Variants in C2 observed in about 807,000 individuals in gnomAD.
The protein encoded by C2 is complement C2.
In C2, 64 loss-of-function variants were observed where a neutral mutation model predicts 85.2. The observed-to-expected ratio is 0.75, with a 90% confidence interval of 0.61 to 0.92. C2 has a LOEUF of 0.92. C2 is among the 40% of genes least tolerant of loss of function. C2 has a pLI of 0.00. For synonymous variants in C2, 311 were observed against 370.8 expected (o/e 0.84, Z 1.85); for missense variants, 820 against 971.6 (o/e 0.84, Z 2.07).
At chr6:31,940,608 GC>G (rs1770804360) in intron 9 of C2, among the ~76,000 whole-genome samples, 1 of 151,988 alleles carries the variant, frequency 6.6e-6, no homozygotes, top group African/African-American at 2.4e-5. Context: ...CATTCACACT[GC>G]CCCCTCCCCC....
intron 3 of C2, among the ~76,000 whole-genome samples, chr6:31,929,576 G>A (rs1769555479): frequency 6.6e-6 from 1 of 151,874 alleles, no homozygotes; most frequent in Non-Finnish European, 1.5e-5. Flanking sequence ...AAAATTAGCC[G>A]GGTGCGGTGG....
upstream of C2, chr6:31,927,544 G>A: frequency 1.3e-6 from 2 of 1,483,516 alleles, no homozygotes; most frequent in South Asian, 2.8e-5. This position sits in a 1 kb window ranked among gnomAD's most constrained non-coding sequence, Gnocchi z 4.7. Context: ...TTAGCATCAG[G>A]GAGACAGGGC....
rs1490649729 is a variant in C2, at chr6:31,942,947, C to T, written c.1220-12C>T. Reference sequence around the variant, plus strand: ...GCCACAGGAGTCTGGTGATTTCCCTCTTCCCCACCAGACATCTATGCCATC... The same window carrying T: ...GCCACAGGAGTCTGGTGATTTCCCTTTTCCCCACCAGACATCTATGCCATC... On this transcript the variant is annotated splice_polypyrimidine_tract_variant and intron_variant, in intron 9 of 17. Transcript: ENST00000299367. 1.9e-6 allele frequency: 3 copies of T among 1,612,970 alleles called. No individual in the cohort carries two copies. Among genetic ancestry groups the T allele is most frequent in the South Asian group, 2.2e-5 (2 of 91,078 alleles).
chr6:31,903,899 C>T (rs1321430134), intron 1 of C2, among the ~76,000 whole-genome samples: 1 of 151,932 alleles, frequency 6.6e-6, no homozygotes, highest in Non-Finnish European at 1.5e-5. Flanking sequence ...AAACTGCTCT[C>T]TTTGTATTTA....
chr6:31,907,140 T>TAAA (rs3037250), intron 1 of C2, among the ~76,000 whole-genome samples: 2 of 139,716 alleles, frequency 1.4e-5, no homozygotes, highest in Admixed American at 7.2e-5. Context: ...AACTCTGTCT[T>TAAA]AAAAAAAAAA....
chr6:31,944,053 G>A lies in C2; in HGVS notation c.1810+60G>A, dbSNP rs935339115. On this transcript the variant is annotated intron_variant, in intron 14 of 17. Transcript: ENST00000299367. The surrounding 1 kb of genome is among the most constrained non-coding windows in gnomAD (Gnocchi z 5.1). ...GGCCGGGGTTTGGGGGTGATAACAA[G>A]GACTAGGCTGCAGTCCCCAAGCCAG... 1.9e-6 allele frequency: 3 copies of A among 1,594,430 alleles called. No homozygotes were observed. Among genetic ancestry groups the A allele is most frequent in the East Asian group, 2.2e-5 (1 of 44,802 alleles).
intron 3 of C2, among the ~76,000 whole-genome samples, chr6:31,930,210 A>G (rs1318164356): frequency 6.6e-6 from 1 of 150,880 alleles, no homozygotes; most frequent in Non-Finnish European, 1.5e-5. Context: ...GCCTCCCAAG[A>G]AGCTGGGATT....
intron 9 of C2, chr6:31,941,557 A>G (rs1770878395): frequency 6.6e-6 from 1 of 152,254 alleles, no homozygotes; most frequent in Admixed American, 6.5e-5. Flanking sequence ...GCTGCAGTGC[A>G]GTGGCGGGAT....
At chr6:31,905,765 G>C (rs992645098) in intron 1 of C2, among the ~76,000 whole-genome samples, 1 of 151,972 alleles carries the variant, frequency 6.6e-6, no homozygotes, top group Non-Finnish European at 1.5e-5. Flanking sequence ...AAAATGGAGG[G>C]ATTACTCTCT....
rs1441528658 is a variant in C2, at chr6:31,921,004, G to T, written c.-100+978G>T. On this transcript the variant is annotated intron_variant, in intron 1 of 3. Transcript: ENST00000413154. This position sits in a 1 kb window ranked among gnomAD's most constrained non-coding sequence, Gnocchi z 4.6. ...CAAAACCCTTTCTGAGGCTCTAAGG[G>T]TGATGTATGTGGAGATTCCTCAAGA... is the stretch of plus-strand genomic sequence containing the variant. 6.6e-6 allele frequency among the ~76,000 whole-genome samples: 1 copy of T among 152,148 alleles called. No homozygotes were observed. Among genetic ancestry groups the T allele is most frequent in the African/African-American group, 2.4e-5 (1 of 41,424 alleles).
chr6:31,943,546 C>A lies in C2; in HGVS notation c.1567+19C>A, dbSNP rs1771076678. The A allele has an allele frequency of 1.9e-6, 3 of 1,605,942 alleles. No homozygotes were observed. The highest frequency in any genetic ancestry group is 2.6e-6 in the Non-Finnish European group (3 of 1,175,252). ...AATGTGGGTAAGGCAGGGGATGCAC[C>A]AGCCTCCTGATCCTGAAGCCACAGA... is the stretch of plus-strand genomic sequence containing the variant. On this transcript the variant is annotated intron_variant, in intron 12 of 17. Transcript: ENST00000299367. The surrounding 1 kb of genome is among the most constrained non-coding windows in gnomAD (Gnocchi z 6.4).
chr6:31,901,933 G>C (rs1240187424), intron 1 of C2: 3 of 147,868 alleles, frequency 2.0e-5, no homozygotes, highest in Non-Finnish European at 4.5e-5. Context: ...GGCCTGGGCA[G>C]CGCGCAGGCG....
chr6:31,931,914 CG>C (rs2151747826), intron 3 of C2, among the ~76,000 whole-genome samples: 1 of 76,956 alleles, frequency 1.3e-5, no homozygotes, highest in East Asian at 6.7e-4. Flanking sequence ...ACCTCCCTCC[CG>C]GACGGCGCGG....
upstream of C2, among the ~76,000 whole-genome samples, chr6:31,916,313 CT>C (rs1426674873): frequency 6.6e-6 from 1 of 152,132 alleles, no homozygotes; most frequent in African/African-American, 2.4e-5. Context: ...AATCCCAGCA[CT>C]TTGGGAGGCT....
At chr6:31,898,868 T>C (rs1766929416), upstream of C2, among the ~76,000 whole-genome samples, 1 of 151,798 alleles carries the variant, frequency 6.6e-6, no homozygotes, top group African/African-American at 2.4e-5. Context: ...GCAGAACTGG[T>C]GGAGGGCTGG....
At chr6:31,930,175 G>A (rs567281111) in intron 3 of C2, among the ~76,000 whole-genome samples, 4 of 151,026 alleles carry the variant, frequency 2.6e-5, no homozygotes, top group African/African-American at 7.3e-5. Flanking sequence ...TCTGCCTCCC[G>A]GGTTCAAGTG....
chr6:31,928,212 C>A (rs750187838), intron 2 of C2, 48 bp downstream of exon 2: 1 of 1,545,732 alleles, frequency 6.5e-7, no homozygotes, highest in Non-Finnish European at 8.7e-7. Context: ...CAGGGGCCAC[C>A]CCAGAACTTT....
chr6:31,931,436 G>T (rs1184131961), intron 3 of C2, among the ~76,000 whole-genome samples: 2 of 151,314 alleles, frequency 1.3e-5, no homozygotes, highest in East Asian at 1.9e-4. Context: ...GTGTCCCTGG[G>T]TACTTGAGAT....
chr6:31,933,589 C>A (rs781311619), intron 3 of C2, 21 bp from the exon 4 acceptor site: 1 of 1,612,608 alleles, frequency 6.2e-7, no homozygotes, highest in African/African-American at 1.3e-5. Flanking sequence ...CTCACCTCTG[C>A]CTTCCTTTGT....
Sources: gnomAD v4.1 joint callset for allele counts (sites outside exome capture counted in the v4.1 genomes callset) on GRCh38, gnomAD v4.1.1 for gene constraint, Gnocchi (gnomAD v3.1) non-coding constraint, MANE v1.5 for transcripts, NCBI Gene and HGNC (gene_info 2026-07-23, HGNC 2026-07-21) for gene names.